The following CFAP47 variants were observed in gnomAD, a reference collection of about 807,000 sequenced individuals.
The protein encoded by CFAP47 is cilia- and flagella-associated protein 47.
Under a neutral mutation model 148.1 loss-of-function variants are expected in CFAP47, and 29 were observed. The ratio of observed to expected loss-of-function variants is 0.20; its 90% CI spans 0.15 to 0.27. CFAP47 has a LOEUF of 0.27. CFAP47 is among the 10% of genes least tolerant of loss of function. The pLI, the probability that CFAP47 is intolerant of heterozygous loss-of-function variation, is 1.00. For missense variants in CFAP47, 1,872 were observed against 1,697.5 expected (o/e 1.10, Z -1.81); for synonymous variants, 664 against 577.3 (o/e 1.15, Z -2.15).
intron 46 of CFAP47, among the ~76,000 whole-genome samples, chrX:36,231,142 T>G (rs192333203): frequency 0.041 from 4,517 of 111,074 alleles, 289 homozygotes; most frequent in African/African-American, 0.14. Flanking sequence ...TTTCCAATTC[T>G]GTGAAGAAAG....
At chrX:36,267,327 G>T (rs1940904275) in intron 49 of CFAP47, among the ~76,000 whole-genome samples, 1 of 111,305 alleles carries the variant, frequency 9.0e-6, no homozygotes, top group Non-Finnish European at 1.9e-5. Context: ...GCTAGGTAGA[G>T]TGCTATCAAT....
chrX:36,223,470 A>T lies in CFAP47; in HGVS notation c.6818-5158A>T, dbSNP rs992285600. On this transcript the variant is annotated intron_variant, in intron 45 of 63. Coordinates refer to ENST00000378653, the MANE Select transcript of CFAP47 (RefSeq NM_001304548.2). ...TAAATATAATTATTCATTCTTAATT[A>T]TTCATTTTCTGAATTAAAAGCTCTG... Among the ~76,000 whole-genome samples the T allele has an allele frequency of 2.7e-5, 3 of 111,054 alleles. No individual in the cohort carries two copies. The South Asian group carries it at 1.1e-3, about 41-fold the overall frequency.
intron 53 of CFAP47, among the ~76,000 whole-genome samples, chrX:36,303,239 C>T (rs1023700105): frequency 5.4e-5 from 6 of 111,556 alleles, no homozygotes; most frequent in African/African-American, 1.6e-4. Context: ...GAGGCTGGAG[C>T]GCAGTGGTGC....
chrX:35,921,545 G>A (rs1935577791), intron 1 of CFAP47, among the ~76,000 whole-genome samples: 2 of 111,801 alleles, frequency 1.8e-5, no homozygotes, highest in South Asian at 7.4e-4. Flanking sequence ...CACTTGTATG[G>A]ATGGTTTCTG....
chrX:36,338,924 T>A (rs1390749291), intron 57 of CFAP47, among the ~76,000 whole-genome samples: 3 of 111,945 alleles, frequency 2.7e-5, no homozygotes, highest in African/African-American at 6.5e-5. Flanking sequence ...CTCTAACCTT[T>A]AACTGTTTTA....
Position 35,956,207 on chromosome X carries a change from T to G in CFAP47, c.1410+11T>G. On this transcript the variant is annotated intron_variant, in intron 8 of 63. Coordinates refer to ENST00000378653, the MANE Select transcript of CFAP47 (RefSeq NM_001304548.2). The stretch of plus-strand genomic sequence containing the variant: ...GGAGGGGGTATGGTGGTAAGATAAT[T>G]TTTCTTTGCGTTTACATGGCAGCTA... 3 of 1,167,342 alleles carry G rather than the reference T, an allele frequency of 2.6e-6. No individual in the cohort carries two copies. Among genetic ancestry groups the G allele is most frequent in the Non-Finnish European group, 3.5e-6 (3 of 856,698 alleles).
At chrX:36,036,143 T>C (rs1937335480) in intron 24 of CFAP47, among the ~76,000 whole-genome samples, 2 of 111,316 alleles carry the variant, frequency 1.8e-5, no homozygotes, top group Non-Finnish European at 3.8e-5. Flanking sequence ...TGTTGTACAT[T>C]AGATCCCCAG....
rs546795196 is a variant in CFAP47, at chrX:35,932,264, CT to C, written c.401+6109del. 3.0e-3 allele frequency among the ~76,000 whole-genome samples: 276 copies of C among 91,862 alleles called. 1 individual carries two copies. Among genetic ancestry groups the C allele is most frequent in the African/African-American group, 9.3e-3 (199 of 21,469 alleles). The allele number at this position is 91,862 out of a possible 115,157, so 79.8% of individuals were successfully genotyped here. A position where few individuals can be genotyped will look rare whatever the true frequency, so the allele number is the denominator to read the frequency against. ...TTTTCTTTTCTTTCTTTCTTTCTTT[CT>C]TTTTTTTTTTTTGAGATGGAGTCTC... is the stretch of plus-strand genomic sequence containing the variant. On this transcript the variant is annotated intron_variant, in intron 2 of 63. Coordinates refer to ENST00000378653, the MANE Select transcript of CFAP47 (RefSeq NM_001304548.2).
chrX:35,970,253 A>C (rs1936469915), intron 10 of CFAP47, among the ~76,000 whole-genome samples: 1 of 111,375 alleles, frequency 9.0e-6, no homozygotes, highest in Non-Finnish European at 1.9e-5. Context: ...AGTAATTCGC[A>C]GTTCTTTTAT....
chrX:36,254,408 C>T (rs1352995182), intron 49 of CFAP47, among the ~76,000 whole-genome samples: 1 of 111,090 alleles, frequency 9.0e-6, no homozygotes, highest in Non-Finnish European at 1.9e-5. Flanking sequence ...TTTTGTTTTA[C>T]TTATTGCACT....
intron 48 of CFAP47, among the ~76,000 whole-genome samples, chrX:36,249,075 TA>T (rs1330044725): frequency 9.3e-6 from 1 of 107,787 alleles, no homozygotes; most frequent in Non-Finnish European, 1.9e-5. Flanking sequence ...ATACCTGTAG[TA>T]AAAAAAGAAG....
intron 57 of CFAP47, among the ~76,000 whole-genome samples, chrX:36,328,211 A>G (rs1407598906): frequency 8.9e-6 from 1 of 112,343 alleles, no homozygotes; most frequent in Non-Finnish European, 1.9e-5. Flanking sequence ...TGTCATTTAA[A>G]ATACAACAAA....
chrX:36,275,966 AT>A (rs1479552189), intron 49 of CFAP47, among the ~76,000 whole-genome samples: 3 of 110,429 alleles, frequency 2.7e-5, no homozygotes, highest in African/African-American at 6.6e-5. Flanking sequence ...AAAGTAATCC[AT>A]TTTTTTGGTG....
chrX:36,237,757 C>A (rs1940488336), intron 48 of CFAP47, among the ~76,000 whole-genome samples: 1 of 112,091 alleles, frequency 8.9e-6, no homozygotes, highest in African/African-American at 3.2e-5. Context: ...TCAATAGGAT[C>A]CTCAAAAGAA....
chrX:36,383,047 T>C (rs1415394741), intron 63 of CFAP47, among the ~76,000 whole-genome samples: 1 of 111,212 alleles, frequency 9.0e-6, no homozygotes, highest in African/African-American at 3.3e-5. Flanking sequence ...CAATCTTTAT[T>C]TCATAAAATA....
Position 35,967,654 on chromosome X carries a change from T to C in CFAP47, c.1636T>C (p.Phe546Leu). ...LPSIRNPTGKFVVKDLAKRKN... is the reference protein window; with the variant it reads ...LPSIRNPTGKLVVKDLAKRKN... ...TTCGATCCGTAATCCCACGGGAAAG[T>C]TTGTGGTCAAAGACTTGGCAAAACG... Residue 546 changes from phenylalanine to leucine, a missense_variant, in exon 10 of 64, where the codon TTT becomes CTT. By Grantham distance (22) the Phe-to-Leu change is conservative. Coordinates refer to ENST00000378653, the MANE Select transcript of CFAP47 (RefSeq NM_001304548.2). 8.3e-7 allele frequency: 1 copy of C among 1,209,538 alleles called. No individual in the cohort carries two copies. The highest frequency in any genetic ancestry group is 1.1e-6 in the Non-Finnish European group (1 of 894,257).
rs937540577 is a variant in CFAP47 at position 36,280,474 on chromosome X, T to G, written c.7445-13T>G. ...CCCTGATTAATAGGGCATCTTGTAC[T>G]TATGTGTTGTAGGTACAATTACATT... On this transcript the variant is annotated splice_polypyrimidine_tract_variant and intron_variant, in intron 49 of 63. Coordinates refer to ENST00000378653, the MANE Select transcript of CFAP47 (RefSeq NM_001304548.2). The G allele has an allele frequency of 6.1e-6, 3 of 489,774 alleles. No homozygotes were observed. The highest frequency in any genetic ancestry group is 1.1e-5 in the Non-Finnish European group (3 of 275,129). The allele number at this position is 489,774 out of a possible 1,213,427, so 40.4% of individuals were successfully genotyped here. A position where few individuals can be genotyped will look rare whatever the true frequency, so the allele number is the denominator to read the frequency against.
chrX:35,970,874 T>A lies in CFAP47; in HGVS notation c.1921T>A (p.Tyr641Asn), dbSNP rs762789303. Residue 641 changes from tyrosine to asparagine, a missense_variant, in exon 11 of 64, where the codon TAT becomes AAT. Coordinates refer to ENST00000378653, the MANE Select transcript of CFAP47 (RefSeq NM_001304548.2). ...KKLHENYYAM[Y>N]LKYLRSVRLQ... Reference sequence around the variant, plus strand: ...ATTACATGAAAACTATTATGCAATGTATCTTAAATATTTAAGAAGTGTGCG... The same window carrying A: ...ATTACATGAAAACTATTATGCAATGAATCTTAAATATTTAAGAAGTGTGCG... 3 of 1,188,706 alleles carry A rather than the reference T, an allele frequency of 2.5e-6. No homozygotes were observed. In the Admixed American group the frequency reaches 7.0e-5, roughly 28 times the overall value.
chrX:36,134,813 G>T (rs1939014829), intron 33 of CFAP47, among the ~76,000 whole-genome samples: 1 of 110,485 alleles, frequency 9.1e-6, no homozygotes, highest in Admixed American at 9.7e-5. Context: ...AAGTATTTTT[G>T]AATAACATAT....
Sources: allele counts gnomAD v4.1 joint callset (sites outside exome capture counted in the v4.1 genomes callset), GRCh38; gene constraint gnomAD v4.1.1; transcripts MANE v1.5; gene names NCBI Gene and HGNC (gene_info 2026-07-23, HGNC 2026-07-21).